Variants in ARMH3 observed in about 807,000 individuals in gnomAD.
The protein encoded by ARMH3 is armadillo like helical domain containing 3.
ARMH3 carries 60 observed loss-of-function variants against 99.1 expected under a neutral mutation model. That is an observed-to-expected ratio of 0.61 (90% confidence interval 0.49 to 0.75). The LOEUF (loss-of-function observed/expected upper bound fraction) is 0.75, where lower values mean the gene tolerates loss of function less well. Ranked by LOEUF, ARMH3 falls within the 30% of genes least tolerant of loss-of-function variation. ARMH3 has a pLI of 0.00. For missense variants in ARMH3, 679 were observed against 843.1 expected (o/e 0.81, Z 2.41); for synonymous variants, 285 against 292.8 (o/e 0.97, Z 0.27).
intron 1 of ARMH3, among the ~76,000 whole-genome samples, chr10:102,049,811 C>T (rs2067651295): frequency 1.3e-5 from 2 of 152,004 alleles, no homozygotes; most frequent in South Asian, 2.1e-4. Context: ...CCCACCTAGG[C>T]CCCCCAAAGT....
chr10:102,015,988 A>G (rs758058778), intron 8 of ARMH3, among the ~76,000 whole-genome samples: 1 of 152,108 alleles, frequency 6.6e-6, no homozygotes, highest in Non-Finnish European at 1.5e-5. Context: ...TTAAAAAGCT[A>G]GCCAGGCATA....
chr10:101,980,647 CAAGACCCT>C (rs1348423126), intron 19 of ARMH3, among the ~76,000 whole-genome samples: 2 of 152,118 alleles, frequency 1.3e-5, no homozygotes, highest in African/African-American at 4.8e-5. Context: ...AAGAATATCC[CAAGACCCT>C]ACTGACTTTA....
intron 1 of ARMH3, among the ~76,000 whole-genome samples, chr10:102,049,175 A>G (rs911857360): frequency 2.6e-5 from 4 of 152,200 alleles, no homozygotes; most frequent in Admixed American, 6.6e-5. Context: ...GACTGGCTCT[A>G]AGACAAGCAA....
At chr10:102,027,926 T>C (rs59735094) in intron 5 of ARMH3, among the ~76,000 whole-genome samples, 108 of 151,856 alleles carry the variant, frequency 7.1e-4, no homozygotes, top group African/African-American at 2.5e-3. Flanking sequence ...TTCAATATGG[T>C]GTCCAACACT....
At chr10:102,005,325 G>T (rs1334133487) in intron 14 of ARMH3, among the ~76,000 whole-genome samples, 1 of 145,782 alleles carries the variant, frequency 6.9e-6, no homozygotes, top group African/African-American at 2.5e-5. Context: ...AGAGGTTGCA[G>T]TGAGCCGAGA....
At chr10:102,014,967 T>C (rs978950599) in intron 8 of ARMH3, among the ~76,000 whole-genome samples, 1 of 152,098 alleles carries the variant, frequency 6.6e-6, no homozygotes. Flanking sequence ...ACTAAGAAAC[T>C]TGAAAACCCA....
At chr10:102,038,992 C>T (rs1012934834) in intron 2 of ARMH3, among the ~76,000 whole-genome samples, 1 of 152,106 alleles carries the variant, frequency 6.6e-6, no homozygotes, top group African/African-American at 2.4e-5. Context: ...TCCACCCACT[C>T]AGCCTCCCAA....
chr10:101,916,998 A>G (rs1440745712), intron 23 of ARMH3, among the ~76,000 whole-genome samples: 1 of 152,222 alleles, frequency 6.6e-6, no homozygotes, highest in Non-Finnish European at 1.5e-5. Context: ...CTACAGCATC[A>G]GCTCCCTGAT....
At chr10:102,030,312 T>C (rs1306643061) in intron 4 of ARMH3, among the ~76,000 whole-genome samples, 1 of 152,220 alleles carries the variant, frequency 6.6e-6, no homozygotes, top group Admixed American at 6.5e-5. Context: ...TTTCTTGTCA[T>C]CTTGTTTTTA....
At chr10:101,972,474 T>A (rs142042980) in intron 20 of ARMH3, among the ~76,000 whole-genome samples, 2,307 of 152,336 alleles carry the variant, frequency 0.015, 25 homozygotes, top group Non-Finnish European at 0.023. Flanking sequence ...TTTGCCATGA[T>A]GAGTTTCACA....
At chr10:102,019,927 CAAA>C (rs35874445) in intron 8 of ARMH3, among the ~76,000 whole-genome samples, 15 of 108,474 alleles carry the variant, frequency 1.4e-4, no homozygotes, top group Admixed American at 1.9e-4. Context: ...GACTCTGTCT[CAAA>C]AAAAAAAAAA....
At chr10:102,029,451 G>T in intron 5 of ARMH3, 187 bp downstream of exon 5, 1 of 1,545,444 alleles carries the variant, frequency 6.5e-7, no homozygotes, top group South Asian at 1.2e-5. Context: ...ATTCAAATTT[G>T]AATTTAAAAT....
chr10:101,983,764 C>T lies in ARMH3; in HGVS notation c.1406+6787G>A, dbSNP rs369741537. On this transcript the variant is annotated intron_variant, in intron 19 of 25. Transcript: ENST00000370033. ...CCCTTTCAGACCTCACCCTATGTAT[C>T]TCTTCATCTGACTGTTTATATGTTT... Among the ~76,000 whole-genome samples, 64 of 152,316 alleles carry T rather than the reference C, an allele frequency of 4.2e-4. 2 individuals carry two copies. Among genetic ancestry groups the T allele is most frequent in the African/African-American group, 1.5e-3 (63 of 41,574 alleles).
Position 102,006,590 on chromosome 10 carries a change from G to A in ARMH3, c.998C>T (p.Ala333Val). 1 of 1,614,100 alleles carries A rather than the reference G, an allele frequency of 6.2e-7. No homozygotes were observed. The highest frequency in any genetic ancestry group is 1.3e-5 in the African/African-American group (1 of 75,048). ...MGLVTTPVSP[A>V]PTTPVTPLGT... ...AAGTGGTGTGACTGGGGTTGTAGGA[G>A]CAGGACTGACAGGGGTCGTCACCAA... Residue 333 changes from alanine to valine, a missense_variant, in exon 14 of 26, where the codon GCT becomes GTT. Ala to Val is a moderately conservative substitution (Grantham distance 64, BLOSUM62 0). This residue lies in a region of ARMH3 where 389 missense variants were observed against 456.5 expected (regional missense o/e 0.85). Transcript: ENST00000370033.
At chr10:101,928,671 G>A (rs756488316) in intron 23 of ARMH3, among the ~76,000 whole-genome samples, 4 of 152,226 alleles carry the variant, frequency 2.6e-5, no homozygotes, top group East Asian at 3.9e-4. Flanking sequence ...CTTGTCTCTC[G>A]AAGTACAACA....
At chr10:102,035,094 G>A (rs1590215680) in intron 2 of ARMH3, among the ~76,000 whole-genome samples, 2 of 152,098 alleles carry the variant, frequency 1.3e-5, no homozygotes, top group Non-Finnish European at 2.9e-5. Flanking sequence ...AAAATAGCTG[G>A]GCACAGTGGC....
chr10:102,037,341 G>A (rs1010143382), intron 2 of ARMH3, among the ~76,000 whole-genome samples: 4 of 151,440 alleles, frequency 2.6e-5, no homozygotes, highest in Non-Finnish European at 4.4e-5. Flanking sequence ...GCACCACCAC[G>A]CCCAGTTAAT....
At chr10:102,012,744 G>C in intron 10 of ARMH3, 89 bp downstream of exon 10, 1 of 1,280,706 alleles carries the variant, frequency 7.8e-7, no homozygotes, top group South Asian at 1.4e-5. Flanking sequence ...GACTAGGTAA[G>C]GGAATTTGAC....
chr10:102,030,292 C>T (rs537154570), intron 4 of ARMH3, among the ~76,000 whole-genome samples: 23 of 152,118 alleles, frequency 1.5e-4, no homozygotes, highest in Non-Finnish European at 2.9e-4. Context: ...CTGTCATCCT[C>T]ATTTTTTATT....
Sources: allele counts gnomAD v4.1 joint callset (sites outside exome capture counted in the v4.1 genomes callset), GRCh38; gene constraint gnomAD v4.1.1; regional missense constraint gnomAD v4.1.1; transcripts MANE v1.5; gene names NCBI Gene and HGNC (gene_info 2026-07-23, HGNC 2026-07-21).